The following SRPK2 variants were observed in gnomAD, a reference collection of about 807,000 sequenced individuals.
SRPK2 encodes SRSF protein kinase 2.
A neutral mutation model predicts 90.8 loss-of-function variants in SRPK2; 21 were observed. The observed-to-expected ratio is 0.23, with a 90% CI of 0.16 to 0.33. The LOEUF (loss-of-function observed/expected upper bound fraction) is 0.33. Ranked by LOEUF, SRPK2 falls within the 10% of genes least tolerant of loss-of-function variation. The probability of loss-of-function intolerance (pLI) is 1.00; values close to 1 mark genes in which losing one functional copy is unlikely to be tolerated. For synonymous variants in SRPK2, 288 were observed against 311.1 expected, an observed-to-expected ratio of 0.93 and a Z score of 0.78; for missense variants, 620 against 869.0, an observed-to-expected ratio of 0.71 and a Z score of 3.60.
chr7:105,329,410 GA>G (rs1814004021), intron 2 of SRPK2, among the ~76,000 whole-genome samples: 1 of 152,046 alleles, frequency 6.6e-6, no homozygotes, highest in African/African-American at 2.4e-5. Flanking sequence ...AAAGAGCAGG[GA>G]AAACTAAGAA....
intron 2 of SRPK2, among the ~76,000 whole-genome samples, chr7:105,340,592 T>G (rs1235241261): frequency 2.0e-5 from 3 of 151,940 alleles, no homozygotes; most frequent in East Asian, 3.9e-4. Context: ...TTTTGGTTTT[T>G]GTTTTTTGGT....
intron 13 of SRPK2, among the ~76,000 whole-genome samples, chr7:105,127,725 A>ACCATTTATTCC (rs11270344): frequency 6.6e-6 from 1 of 151,826 alleles, no homozygotes; most frequent in Admixed American, 6.6e-5. Context: ...TGTAGGGAAC[A>ACCATTTATTCC]CATTTCCCTT....
upstream of SRPK2, among the ~76,000 whole-genome samples, chr7:105,392,850 T>C (rs1417762951): frequency 1.3e-5 from 2 of 151,674 alleles, no homozygotes; most frequent in African/African-American, 2.4e-5. Context: ...TCTTGCTCCG[T>C]CGCCCAGGCT....
chr7:105,161,327 T>A (rs1409875631), intron 6 of SRPK2, among the ~76,000 whole-genome samples: 3 of 152,246 alleles, frequency 2.0e-5, no homozygotes, highest in Non-Finnish European at 4.4e-5. Flanking sequence ...TTCTACTACT[T>A]TTTACTGGTG....
At chr7:105,115,066 G>GA, downstream of SRPK2, among the ~76,000 whole-genome samples, 1 of 152,140 alleles carries the variant, frequency 6.6e-6, no homozygotes, top group Non-Finnish European at 1.5e-5. Flanking sequence ...CTTGAAATGT[G>GA]CCTACTACAG....
intron 2 of SRPK2, among the ~76,000 whole-genome samples, chr7:105,279,321 G>A (rs972324630): frequency 6.6e-6 from 1 of 152,066 alleles, no homozygotes; most frequent in Non-Finnish European, 1.5e-5. Context: ...CTACTTATGA[G>A]AAACTCTGTT....
chr7:105,188,247 A>G (rs1182116715), intron 3 of SRPK2, among the ~76,000 whole-genome samples: 2 of 152,222 alleles, frequency 1.3e-5, no homozygotes, highest in African/African-American at 4.8e-5. Context: ...GCCAAACACA[A>G]AAAGTGATGT....
At chr7:105,158,515 A>G (rs542297984) in intron 7 of SRPK2, among the ~76,000 whole-genome samples, 55 of 152,264 alleles carry the variant, frequency 3.6e-4, no homozygotes, top group African/African-American at 1.3e-3. Context: ...GGCCGCCCAA[A>G]GTGCTGGGAT....
At chr7:105,120,096 C>T (rs1800118193) in intron 15 of SRPK2, among the ~76,000 whole-genome samples, 1 of 152,150 alleles carries the variant, frequency 6.6e-6, no homozygotes, top group Non-Finnish European at 1.5e-5. Flanking sequence ...TGTAATATGA[C>T]TATATTGATT....
chr7:105,159,446 T>C (rs1807089506), intron 7 of SRPK2, among the ~76,000 whole-genome samples: 1 of 5,678 alleles, frequency 1.8e-4, no homozygotes, highest in Non-Finnish European at 7.4e-4. Context: ...AGACTCCGTC[T>C]CCAAAAAAAA....
chr7:105,277,083 TA>T (rs1421107465), intron 2 of SRPK2, among the ~76,000 whole-genome samples: 2 of 143,788 alleles, frequency 1.4e-5, no homozygotes, highest in South Asian at 2.3e-4. Context: ...TTATTATTAT[TA>T]TTTTTTTTTT....
At position 105,196,006 on chromosome 7, in the gene SRPK2, G is replaced by A. The variant is rs1220145531; in HGVS notation, c.229+7622C>T. Among the ~76,000 whole-genome samples, 33 of 152,150 alleles carry A rather than the reference G, an allele frequency of 2.2e-4. 2 individuals carry two copies. Among genetic ancestry groups the A allele is most frequent in the Admixed American group, 2.1e-3 (32 of 15,284 alleles). On this transcript the variant is annotated intron_variant, in intron 3 of 15. Coordinates refer to ENST00000393651, the MANE Select transcript of SRPK2 (RefSeq NM_182692.3). ...TATGTGCCCTGTAGTAAAGTACAAC[G>A]TTTTGCACATCATCAAGCCTCAATG...
At chr7:105,302,730 G>A (rs1265711219) in intron 2 of SRPK2, among the ~76,000 whole-genome samples, 1 of 152,062 alleles carries the variant, frequency 6.6e-6, no homozygotes, top group African/African-American at 2.4e-5. Context: ...TGAGTGATAG[G>A]TGGAACAGGA....
chr7:105,340,881 T>C (rs1237986848), intron 2 of SRPK2, among the ~76,000 whole-genome samples: 3 of 152,208 alleles, frequency 2.0e-5, no homozygotes, highest in Non-Finnish European at 4.4e-5. Flanking sequence ...CATAAAAGGC[T>C]GCAATAAAGA....
chr7:105,165,358 C>T (rs1370390939), intron 6 of SRPK2, among the ~76,000 whole-genome samples: 1 of 152,202 alleles, frequency 6.6e-6, no homozygotes, highest in Non-Finnish European at 1.5e-5. Flanking sequence ...AGACACACTT[C>T]CAAAGATAAC....
intron 2 of SRPK2, among the ~76,000 whole-genome samples, chr7:105,316,963 T>C (rs1302064949): frequency 6.6e-6 from 1 of 152,242 alleles, no homozygotes; most frequent in East Asian, 1.9e-4. Context: ...TAAACATCTG[T>C]TCCCTCTCCC....
chr7:105,239,075 C>T (rs1319907995), intron 2 of SRPK2, among the ~76,000 whole-genome samples: 2 of 152,194 alleles, frequency 1.3e-5, no homozygotes, highest in African/African-American at 2.4e-5. Context: ...AAATCACAGC[C>T]ATCCCTGGCA....
In SRPK2 at chr7:105,204,936, G is replaced by A; in HGVS notation, c.72-1151C>T. On this transcript the variant is annotated intron_variant, in intron 2 of 15. Coordinates refer to ENST00000393651, the MANE Select transcript of SRPK2 (RefSeq NM_182692.3). The stretch of plus-strand genomic sequence containing the variant: ...GAACACTGTTGCTCTCTGCCCAGTG[G>A]AAGGCCGATTCTGGATCCTTTCTCT... 5.9e-6 allele frequency: 2 copies of A among 340,654 alleles called. 1 individual carries two copies. The highest frequency in any genetic ancestry group is 5.3e-5 in the South Asian group (2 of 38,010). The allele number at this position is 340,654 out of a possible 1,614,324, so 21.1% of individuals were successfully genotyped here. A position where few individuals can be genotyped will look rare whatever the true frequency, so the allele number is the denominator to read the frequency against.
intron 2 of SRPK2, among the ~76,000 whole-genome samples, chr7:105,283,506 G>T (rs1248045781): frequency 6.6e-6 from 1 of 152,102 alleles, no homozygotes; most frequent in Non-Finnish European, 1.5e-5. Flanking sequence ...CTAAGTGAAA[G>T]AAGCCAGGCA....
Sources: allele counts gnomAD v4.1 joint callset (sites outside exome capture counted in the v4.1 genomes callset), GRCh38; gene constraint gnomAD v4.1.1; transcripts MANE v1.5; gene names NCBI Gene and HGNC (gene_info 2026-07-23, HGNC 2026-07-21).